The following ZHX2 variants were observed in gnomAD, a reference collection of about 807,000 sequenced individuals.
ZHX2 encodes zinc fingers and homeoboxes protein 2.
In ZHX2, 6 loss-of-function variants were observed where a neutral mutation model predicts 21.9. That is an observed-to-expected ratio of 0.27 (90% CI 0.15 to 0.54). The LOEUF (loss-of-function observed/expected upper bound fraction) is 0.54, where lower values mean the gene tolerates loss of function less well. ZHX2 is among the 20% of genes least tolerant of loss of function. The pLI, the probability that ZHX2 is intolerant of heterozygous loss-of-function variation, is 0.95. For synonymous variants in ZHX2, 434 were observed against 437.1 expected (o/e 0.99, Z 0.09); for missense variants, 908 against 1,090.7 (o/e 0.83, Z 2.36).
At chr8:122,931,626 A>G (rs1415418383) in intron 2 of ZHX2, among the ~76,000 whole-genome samples, 1 of 152,136 alleles carries the variant, frequency 6.6e-6, no homozygotes, top group Non-Finnish European at 1.5e-5. Context: ...CCCAGTCATT[A>G]CGCGCTGCAG....
At chr8:122,836,578 A>C (rs1188672158) in intron 1 of ZHX2, among the ~76,000 whole-genome samples, 1 of 152,214 alleles carries the variant, frequency 6.6e-6, no homozygotes, top group African/African-American at 2.4e-5. Flanking sequence ...CTGAGGCCTA[A>C]AATGGCATCA....
intron 1 of ZHX2, chr8:122,809,018 A>G (rs749672208): frequency 6.6e-6 from 1 of 152,264 alleles, no homozygotes; most frequent in African/African-American, 2.4e-5. Context: ...ACCTCCTAAC[A>G]GAGATGGTGA....
chr8:122,915,708 G>C (rs997744171), intron 2 of ZHX2, among the ~76,000 whole-genome samples: 4 of 152,316 alleles, frequency 2.6e-5, no homozygotes, highest in Admixed American at 1.3e-4. Flanking sequence ...AGCAGAAAAG[G>C]CTCCATGTTG....
chr8:122,924,440 C>G (rs1293909709), intron 2 of ZHX2, among the ~76,000 whole-genome samples: 2 of 152,198 alleles, frequency 1.3e-5, no homozygotes, highest in Non-Finnish European at 2.9e-5. Context: ...TGTAAAGACC[C>G]TATTTCCAAA....
intron 3 of ZHX2, among the ~76,000 whole-genome samples, chr8:122,970,651 G>A (rs1813697673): frequency 6.6e-6 from 1 of 152,182 alleles, no homozygotes; most frequent in African/African-American, 2.4e-5. Context: ...TTCCCGCCTT[G>A]GGCCTTGTCT....
At chr8:122,792,045 G>T (rs1388324575) in intron 1 of ZHX2, among the ~76,000 whole-genome samples, 1 of 152,078 alleles carries the variant, frequency 6.6e-6, no homozygotes, top group Non-Finnish European at 1.5e-5. Flanking sequence ...ACAAAATTAT[G>T]CAACCATTAC....
intron 1 of ZHX2, among the ~76,000 whole-genome samples, chr8:122,807,031 A>C (rs1233232698): frequency 2.0e-5 from 3 of 152,186 alleles, no homozygotes; most frequent in Non-Finnish European, 4.4e-5. Context: ...ATGTGCACTC[A>C]GACAGTCCAC....
intron 1 of ZHX2, chr8:122,808,672 G>T (rs144518823): frequency 1.3e-5 from 2 of 152,100 alleles, no homozygotes; most frequent in African/African-American, 2.4e-5. Context: ...GGTCAGGAGC[G>T]TTCAAAGCAC....
intron 3 of ZHX2, among the ~76,000 whole-genome samples, chr8:122,964,930 A>C (rs1813540029): frequency 6.6e-6 from 1 of 151,834 alleles, no homozygotes; most frequent in Non-Finnish European, 1.5e-5. Context: ...ATGCTCATAA[A>C]GGTGTTCATA....
intron 1 of ZHX2, chr8:122,809,370 G>T (rs1301777898): frequency 6.6e-6 from 1 of 152,230 alleles, no homozygotes; most frequent in African/African-American, 2.4e-5. Context: ...CGTGGTGGTA[G>T]GCGCCTGTAA....
At chr8:122,968,360 G>A (rs1813635672) in intron 3 of ZHX2, among the ~76,000 whole-genome samples, 1 of 152,144 alleles carries the variant, frequency 6.6e-6, no homozygotes, top group South Asian at 2.1e-4. Flanking sequence ...AGCTTTGGCG[G>A]GATGTGGCCA....
intron 1 of ZHX2, among the ~76,000 whole-genome samples, chr8:122,862,467 T>A (rs539202579): frequency 1.3e-5 from 2 of 152,314 alleles, no homozygotes; most frequent in Admixed American, 1.3e-4. Context: ...CCTGAAGGTC[T>A]TGTTAAAATA....
chr8:122,803,216 C>T (rs1355751252), intron 1 of ZHX2, among the ~76,000 whole-genome samples: 1 of 152,200 alleles, frequency 6.6e-6, no homozygotes, highest in Non-Finnish European at 1.5e-5. Flanking sequence ...AAAACAGCCC[C>T]CACTGAGGTA....
chr8:122,953,904 C>A lies in ZHX2; in HGVS notation c.2394C>A (p.Val798=), dbSNP rs778739958. Residue 798 remains valine (V), a synonymous_variant, in exon 3 of 4, where the codon GTC becomes GTA. Transcript: ENST00000314393. The surrounding 1 kb of genome is among the most constrained non-coding windows in gnomAD (Gnocchi z 4.6). ...SSVVDYVEVT[V]GEEDAISDRS... ...TTGTGGATTACGTGGAGGTGACGGT[C>A]GGGGAGGAGGATGCGATCTCAGATA... 3 of 1,614,072 alleles carry A rather than the reference C, an allele frequency of 1.9e-6. No homozygotes were observed. The highest frequency in any genetic ancestry group is 2.5e-6 in the Non-Finnish European group (3 of 1,179,998).
chr8:122,833,409 T>C (rs887087946), intron 1 of ZHX2, among the ~76,000 whole-genome samples: 1 of 152,172 alleles, frequency 6.6e-6, no homozygotes, highest in African/African-American at 2.4e-5. Context: ...GGGATACTGC[T>C]TCTGTGATAG....
intron 2 of ZHX2, among the ~76,000 whole-genome samples, chr8:122,919,298 T>A (rs1476374345): frequency 6.6e-6 from 1 of 152,272 alleles, no homozygotes; most frequent in African/African-American, 2.4e-5. Flanking sequence ...GCTGGATTCA[T>A]AATCGGTGCA....
At chr8:122,848,042 G>A (rs1818793676) in intron 1 of ZHX2, among the ~76,000 whole-genome samples, 1 of 152,224 alleles carries the variant, frequency 6.6e-6, no homozygotes, top group Non-Finnish European at 1.5e-5. Flanking sequence ...GTCCGCCGCA[G>A]GGAGCTCTTT....
chr8:122,880,155 G>A (rs930242085), intron 2 of ZHX2, among the ~76,000 whole-genome samples: 1 of 151,728 alleles, frequency 6.6e-6, no homozygotes, highest in Non-Finnish European at 1.5e-5. Context: ...TGTATTTTTC[G>A]TAGAGATGGG....
intron 3 of ZHX2, among the ~76,000 whole-genome samples, chr8:122,958,465 C>T (rs772489604): frequency 6.6e-6 from 1 of 152,220 alleles, no homozygotes; most frequent in African/African-American, 2.4e-5. Flanking sequence ...GTTACTATTG[C>T]TAGTGAGGGT....
Sources: gnomAD v4.1 joint callset for allele counts (sites outside exome capture counted in the v4.1 genomes callset) on GRCh38, gnomAD v4.1.1 for gene constraint, Gnocchi (gnomAD v3.1) non-coding constraint, MANE v1.5 for transcripts, NCBI Gene and HGNC (gene_info 2026-07-23, HGNC 2026-07-21) for gene names.